The following MAML3 variants were observed in gnomAD, a reference collection of about 807,000 sequenced individuals.
The protein encoded by MAML3 is mastermind like transcriptional coactivator 3.
Under a neutral mutation model 101.9 loss-of-function variants are expected in MAML3, and 27 were observed. That is an observed-to-expected ratio of 0.27 (90% CI 0.20 to 0.37). The LOEUF (loss-of-function observed/expected upper bound fraction) is 0.37. Among genes scored for constraint, MAML3 ranks in the 10% least tolerant of loss-of-function variants. The pLI is 1.00. For missense variants in MAML3, 1,316 were observed against 1,444.9 expected (o/e 0.91, Z 1.45); for synonymous variants, 501 against 555.9 (o/e 0.90, Z 1.39).
chr4:139,933,911 C>T (rs915138209), intron 1 of MAML3, among the ~76,000 whole-genome samples: 1 of 151,908 alleles, frequency 6.6e-6, no homozygotes, highest in South Asian at 2.1e-4. Context: ...TGTCTGAGTG[C>T]ATGGGATTAT....
intron 2 of MAML3, among the ~76,000 whole-genome samples, chr4:139,869,380 TG>T (rs1198371785): frequency 3.2e-5 from 2 of 61,650 alleles, no homozygotes; most frequent in Non-Finnish European, 7.3e-5. Context: ...ATAAAATTTT[TG>T]TTTTTAATAT....
chr4:139,797,386 T>C (rs770414467), intron 2 of MAML3, among the ~76,000 whole-genome samples: 10 of 152,130 alleles, frequency 6.6e-5, no homozygotes, highest in Non-Finnish European at 1.3e-4. Context: ...TAATGTCACA[T>C]GGCTAAAGAC....
intron 1 of MAML3, among the ~76,000 whole-genome samples, chr4:139,909,999 T>G (rs1560833149): frequency 2.0e-5 from 3 of 150,188 alleles, no homozygotes; most frequent in African/African-American, 7.4e-5. Flanking sequence ...AGCAAAGAGA[T>G]AAAAAAAAAC....
intron 1 of MAML3, among the ~76,000 whole-genome samples, chr4:139,899,574 A>G (rs1732677410): frequency 6.6e-6 from 1 of 152,170 alleles, no homozygotes; most frequent in East Asian, 1.9e-4. Context: ...AGTCTATGCC[A>G]AAAAGTGACC....
intron 1 of MAML3, among the ~76,000 whole-genome samples, chr4:140,124,075 T>G (rs1728649065): frequency 6.6e-6 from 1 of 152,216 alleles, no homozygotes; most frequent in African/African-American, 2.4e-5. Context: ...AACCACTTAC[T>G]AGCTTTCTCT....
chr4:139,768,118 G>A (rs1193718222), intron 2 of MAML3, among the ~76,000 whole-genome samples: 1 of 152,092 alleles, frequency 6.6e-6, no homozygotes, highest in Non-Finnish European at 1.5e-5. Context: ...TTGTCTTGAT[G>A]ATTTAAGTTC....
At position 139,733,680 on chromosome 4, in the gene MAML3, T is replaced by C. The variant is rs1728815199; in HGVS notation, c.2080-3013A>G. Among the ~76,000 whole-genome samples, 5 of 152,174 alleles carry C rather than the reference T, an allele frequency of 3.3e-5. No homozygotes were observed. In the South Asian group the frequency reaches 1.0e-3, roughly 32 times the overall value. The stretch of plus-strand genomic sequence containing the variant: ...ACCTACAGGCAGGAAGGGCTGTATG[T>C]ATTATTTTATGATTATTTTTTAGAG... On this transcript the variant is annotated intron_variant, in intron 2 of 4. Transcript: ENST00000509479.
At position 140,152,999 on chromosome 4, in the gene MAML3, G is replaced by A. The variant is rs752590227; in HGVS notation, c.329C>T (p.Thr110Ile). The change falls in exon 1 of 5, where the codon ACC becomes ATC. Residue 110 changes from threonine (T) to isoleucine (I), a missense_variant. Thr to Ile is a moderately conservative substitution (Grantham distance 89, BLOSUM62 -1). Transcript: ENST00000509479. ...CAGGGTCCGCTGGTAGAGGCTCACG[G>A]TGTCCCGGCGCTCCAGCTCCAGCTG... ...VEQLELERRD[T>I]VSLYQRTLEQ... 1.2e-6 allele frequency: 2 copies of A among 1,607,456 alleles called. No individual in the cohort carries two copies. The highest frequency in any genetic ancestry group is 1.7e-6 in the Non-Finnish European group (2 of 1,177,188).
chr4:139,864,665 G>T lies in MAML3; in HGVS notation c.2079+24692C>A, dbSNP rs189778814. Among the ~76,000 whole-genome samples, 941 of 102,236 alleles carry T rather than the reference G, an allele frequency of 9.2e-3. 12 individuals carry two copies. Among genetic ancestry groups the T allele is most frequent in the African/African-American group, 0.037 (846 of 23,054 alleles). 67.1% of individuals were successfully genotyped at this position (102,236 alleles called of 152,430 possible). The stretch of plus-strand genomic sequence containing the variant: ...CCCTCCAGCCTGGCGACAGAGCGAG[G>T]CTCCGTCTCAAAAAAAAAAAAAAAA... On this transcript the variant is annotated intron_variant, in intron 2 of 4. Transcript: ENST00000509479.
At chr4:139,902,239 GCGCGCA>G (rs1269104833) in intron 1 of MAML3, among the ~76,000 whole-genome samples, 2 of 132,310 alleles carry the variant, frequency 1.5e-5, no homozygotes, top group Admixed American at 8.4e-5. Flanking sequence ...ACACACGCAG[GCGCGCA>G]CGCACACGCA....
intron 1 of MAML3, among the ~76,000 whole-genome samples, chr4:140,026,668 AAGACAG>A (rs2110885134): frequency 6.6e-6 from 1 of 152,296 alleles, no homozygotes; most frequent in African/African-American, 2.4e-5. Flanking sequence ...CCCCTACACA[AAGACAG>A]CCACTGATAC....
At chr4:140,136,099 C>T (rs944018189) in intron 1 of MAML3, among the ~76,000 whole-genome samples, 4 of 152,154 alleles carry the variant, frequency 2.6e-5, no homozygotes, top group African/African-American at 9.7e-5. Flanking sequence ...TCTCTGGTGA[C>T]AGTGGGTTCA....
intron 2 of MAML3, among the ~76,000 whole-genome samples, chr4:139,848,971 G>A (rs1731498179): frequency 6.6e-6 from 1 of 152,174 alleles, no homozygotes; most frequent in Non-Finnish European, 1.5e-5. Flanking sequence ...CAGCCTGCTA[G>A]AATGAGCCCC....
At chr4:139,838,432 G>A (rs924431999) in intron 2 of MAML3, among the ~76,000 whole-genome samples, 1 of 152,120 alleles carries the variant, frequency 6.6e-6, no homozygotes, top group Non-Finnish European at 1.5e-5. Context: ...TTGGGGAGGA[G>A]CGTATCCATT....
chr4:139,769,267 C>T (rs1729926341), intron 2 of MAML3, among the ~76,000 whole-genome samples: 1 of 152,146 alleles, frequency 6.6e-6, no homozygotes, highest in Non-Finnish European at 1.5e-5. Context: ...ATCCCTCATG[C>T]CCAGAGAGGC....
At chr4:139,790,645 GT>G (rs1050478182) in intron 2 of MAML3, among the ~76,000 whole-genome samples, 50 of 152,134 alleles carry the variant, frequency 3.3e-4, no homozygotes, top group Non-Finnish European at 7.1e-4. Context: ...TGTAATATTT[GT>G]TTTTTTGTGT....
chr4:139,720,958 C>T (rs999163248), intron 4 of MAML3, among the ~76,000 whole-genome samples: 8 of 152,198 alleles, frequency 5.3e-5, no homozygotes, highest in Non-Finnish European at 5.9e-5. Flanking sequence ...GCTATTTTGA[C>T]AGATAGGACA....
chr4:140,122,243 CAG>C (rs1392671513), intron 1 of MAML3, among the ~76,000 whole-genome samples: 2 of 83,184 alleles, frequency 2.4e-5, no homozygotes, highest in African/African-American at 3.9e-5. Context: ...TTTTTTTAAA[CAG>C]AGTTTCGCTT....
chr4:140,062,225 C>T (rs1386297784), intron 1 of MAML3, among the ~76,000 whole-genome samples: 2 of 152,122 alleles, frequency 1.3e-5, no homozygotes, highest in African/African-American at 4.8e-5. Flanking sequence ...ACCCTTTTGC[C>T]TTCTTAAGCA....
Sources: gnomAD v4.1 joint callset for allele counts (sites outside exome capture counted in the v4.1 genomes callset) on GRCh38, gnomAD v4.1.1 for gene constraint, MANE v1.5 for transcripts, NCBI Gene and HGNC (gene_info 2026-07-23, HGNC 2026-07-21) for gene names.